Variants in ATL3 observed in about 807,000 individuals in gnomAD.
ATL3 encodes atlastin GTPase 3, also known as atlastin-3.
ATL3 carries 49 observed loss-of-function variants against 69.5 expected under a neutral mutation model. That is an observed-to-expected ratio of 0.71 (90% CI 0.56 to 0.89). The LOEUF (loss-of-function observed/expected upper bound fraction) is 0.89. ATL3 is among the 40% of genes least tolerant of loss of function. The pLI is 0.00. For synonymous variants in ATL3, 214 were observed against 224.1 expected (o/e 0.95, Z 0.40); for missense variants, 606 against 645.7 (o/e 0.94, Z 0.67).
At position 63,644,245 on chromosome 11, in the gene ATL3, A is replaced by T; in HGVS notation, c.635T>A (p.Val212Asp). ...QKPFQTLMFLVRDWSFPYEYS... is the reference protein window; with the variant it reads ...QKPFQTLMFLDRDWSFPYEYS... ...TTCATAAGGGAAACTCCAATCTCTA[A>T]CCAAAAACATCAGTGTCTATTTAAG... is the stretch of plus-strand genomic sequence containing the variant. Residue 212 changes from valine to aspartate, a missense_variant, in exon 7 of 13, where the codon GTT becomes GAT. Val to Asp is a radical substitution (Grantham distance 152). Transcript: ENST00000398868. 6.2e-7 allele frequency: 1 copy of T among 1,604,896 alleles called. No individual in the cohort carries two copies. The highest frequency in any genetic ancestry group is 8.5e-7 in the Non-Finnish European group (1 of 1,174,378).
chr11:63,661,987 G>A lies in ATL3; in HGVS notation c.47-2735C>T, dbSNP rs532592252. On this transcript the variant is annotated intron_variant, in intron 1 of 12. Coordinates refer to ENST00000398868, the MANE Select transcript of ATL3 (RefSeq NM_015459.5). ...CAGCACTTTGGGGGCCAAGGCAGGC[G>A]TGTCACCTGAGGTCAGGAGTTCGAG... Among the ~76,000 whole-genome samples the A allele has an allele frequency of 5.3e-5, 8 of 151,996 alleles. No homozygotes were observed. The East Asian group carries it at 7.7e-4, about 15-fold the overall frequency.
intron 11 of ATL3, among the ~76,000 whole-genome samples, chr11:63,631,839 G>T (rs757342965): frequency 6.6e-6 from 1 of 152,072 alleles, no homozygotes. Flanking sequence ...AAAATTAGCC[G>T]GGCGTGATGG....
At chr11:63,644,101 G>A in intron 7 of ATL3, 68 bp downstream of exon 7, 1 of 1,069,876 alleles carries the variant, frequency 9.3e-7, no homozygotes, top group Non-Finnish European at 1.4e-6. Context: ...AAACACAATA[G>A]CCAAAAGCAA....
rs1403749370 is a variant in ATL3 at position 63,658,881 on chromosome 11, C to T, written c.285G>A (p.Trp95Ter). Residue 95 changes from tryptophan to a stop codon, truncating the protein, a stop_gained, in exon 3 of 13, where the codon TGG becomes TGA. Transcript: ENST00000398868. LOFTEE classifies it high-confidence loss of function. ...YSQKESGHSNWLGDPEEPLTG... is the reference protein window; with the variant it reads ...YSQKESGHSN Reference sequence around the variant, plus strand: ...TTAACGGTTCTTCTGGGTCACCCAACCAATTTGAATGGCCACTTTCCTTCT... The same window carrying T: ...TTAACGGTTCTTCTGGGTCACCCAATCAATTTGAATGGCCACTTTCCTTCT... 6.2e-7 allele frequency: 1 copy of T among 1,605,090 alleles called. No individual in the cohort carries two copies. The highest frequency in any genetic ancestry group is 8.5e-7 in the Non-Finnish European group (1 of 1,177,430).
intron 8 of ATL3, among the ~76,000 whole-genome samples, chr11:63,641,636 C>T (rs907100833): frequency 6.6e-6 from 1 of 152,104 alleles, no homozygotes. Flanking sequence ...TCAGAGTCTC[C>T]GGGCGGAACC....
intron 1 of ATL3, among the ~76,000 whole-genome samples, chr11:63,670,181 T>TA (rs1258964155): frequency 6.6e-6 from 1 of 152,124 alleles, no homozygotes; most frequent in African/African-American, 2.4e-5. Context: ...TTACAGGTGT[T>TA]AGAGCGGCAA....
chr11:63,631,142 T>C lies in ATL3; in HGVS notation c.1437A>G (p.Leu479=). 1.2e-6 allele frequency: 2 copies of C among 1,614,180 alleles called. No individual in the cohort carries two copies. The highest frequency in any genetic ancestry group is 2.2e-5 in the East Asian group (1 of 44,896). ...CCCAGGTGAGGAGTGCTATTAACAG[T>C]AGTCCAACCATACAGTTGAACAACT... ...VAQLFNCMVG[L]LLIALLTWGY... The change falls in exon 12 of 13, where the codon CTA becomes CTG. Residue 479 remains leucine (L), a synonymous_variant. Coordinates refer to ENST00000398868, the MANE Select transcript of ATL3 (RefSeq NM_015459.5).
In ATL3 at chr11:63,658,818, G is replaced by A. The variant is rs367709522; in HGVS notation, c.348C>T (p.Thr116=). The change falls in exon 3 of 13, where the codon ACC becomes ACT. Residue 116 remains threonine (T), a synonymous_variant. Transcript: ENST00000398868. ...FSWRGGSDPE[T]TGIQIWSEVF... is the part of the protein sequence containing the mutation. ...CTTCACTCCAGATTTGAATCCCAGT[G>A]GTTTCTGGATCAGATCCCCCTCTCC... is the stretch of plus-strand genomic sequence containing the variant. 24 of 1,612,540 alleles carry A rather than the reference G, an allele frequency of 1.5e-5. No homozygotes were observed. Among genetic ancestry groups the A allele is most frequent in the Non-Finnish European group, 1.7e-5 (20 of 1,179,504 alleles).
rs1939126747 is a variant in ATL3 at position 63,626,792 on chromosome 11, T to A, written c.*2527A>T. On this transcript the variant is annotated 3_prime_UTR_variant, in exon 13 of 13. Transcript: ENST00000398868. The stretch of plus-strand genomic sequence containing the variant: ...AACCTGGTTATAAATCTCCCCAGGA[T>A]GATTTATAGCCAGTAATGATAATGC... The A allele has an allele frequency of 6.6e-6, 1 of 152,184 alleles. No individual in the cohort carries two copies. The highest frequency in any genetic ancestry group is 2.4e-5 in the African/African-American group (1 of 41,444). 9.4% of individuals were successfully genotyped at this position (152,184 alleles called of 1,614,324 possible). A position where few individuals can be genotyped will look rare whatever the true frequency, so the allele number is the denominator to read the frequency against.
chr11:63,665,628 C>G (rs989782215), intron 1 of ATL3, among the ~76,000 whole-genome samples: 4 of 152,088 alleles, frequency 2.6e-5, no homozygotes, highest in Non-Finnish European at 4.4e-5. Flanking sequence ...GAGGTCTCGC[C>G]TATAATCCTA....
In ATL3 at chr11:63,629,255, G is replaced by A. The variant is rs556293821; in HGVS notation, c.*64C>T. 59 of 1,353,176 alleles carry A rather than the reference G, an allele frequency of 4.4e-5. No homozygotes were observed. The highest frequency in any genetic ancestry group is 3.4e-4 in the African/African-American group (24 of 69,758). The allele number at this position is 1,353,176 out of a possible 1,614,324, so 83.8% of individuals were successfully genotyped here. On this transcript the variant is annotated 3_prime_UTR_variant, in exon 13 of 13. Coordinates refer to ENST00000398868, the MANE Select transcript of ATL3 (RefSeq NM_015459.5). Reference sequence around the variant, plus strand: ...TTCCTCTGGATATGAACCTGTGGCCGTGGCAGAAACCCAGAAATCAGTAGG... The same window carrying A: ...TTCCTCTGGATATGAACCTGTGGCCATGGCAGAAACCCAGAAATCAGTAGG...
chr11:63,643,347 T>C lies in ATL3; in HGVS notation c.850+10A>G. 1 of 1,596,224 alleles carries C rather than the reference T, an allele frequency of 6.3e-7. No individual in the cohort carries two copies. The highest frequency in any genetic ancestry group is 8.5e-7 in the Non-Finnish European group (1 of 1,172,930). ...CGAATCACAGGTTTAAAATAACACC[T>C]GGAACACACCTTTTAATTTCCCATC... is the stretch of plus-strand genomic sequence containing the variant. On this transcript the variant is annotated intron_variant, in intron 8 of 12. Transcript: ENST00000398868.
rs569054096 is a variant in ATL3 at position 63,671,148 on chromosome 11, C to A, written c.46+142G>T. The A allele has an allele frequency of 4.7e-4, 652 of 1,383,672 alleles. No individual in the cohort carries two copies. The African/African-American group carries it at 8.5e-3, about 18-fold the overall frequency. The allele number at this position is 1,383,672 out of a possible 1,614,324, so 85.7% of individuals were successfully genotyped here. Reference sequence around the variant, plus strand: ...GCCCCCCCACCACAAATTCGGAAACCGAGTGACCCCGGCGAGGGACGCGCG... The same window carrying A: ...GCCCCCCCACCACAAATTCGGAAACAGAGTGACCCCGGCGAGGGACGCGCG... On this transcript the variant is annotated intron_variant, in intron 1 of 12. Coordinates refer to ENST00000398868, the MANE Select transcript of ATL3 (RefSeq NM_015459.5).
chr11:63,631,428 T>A lies in ATL3; in HGVS notation c.1151A>T (p.Glu384Val). The A allele has an allele frequency of 6.2e-7, 1 of 1,613,400 alleles. No homozygotes were observed. The highest frequency in any genetic ancestry group is 8.5e-7 in the Non-Finnish European group (1 of 1,179,676). Residue 384 changes from glutamate to valine, a missense_variant, in exon 12 of 13, where the codon GAG becomes GTG. Transcript: ENST00000398868. ...TTGTTTGAATTCACAGTGCTTCTCCTCTAGAATGTCTGGAGACAAATAAGG... is the reference window on the plus strand; with the variant it reads ...TTGTTTGAATTCACAGTGCTTCTCCACTAGAATGTCTGGAGACAAATAAGG... ...EKPYLSPDIL[E>V]EKHCEFKQLA...
chr11:63,636,365 T>G (rs1245691231), intron 8 of ATL3, 31 bp from the exon 9 acceptor site: 1 of 1,613,416 alleles, frequency 6.2e-7, no homozygotes, highest in Admixed American at 1.7e-5. Context: ...AAGGGAAAAA[T>G]AAGCCAAACA....
intron 10 of ATL3, 26 bp from the exon 11 acceptor site, chr11:63,633,123 G>T (rs1348583895): frequency 3.8e-6 from 6 of 1,588,752 alleles, no homozygotes; most frequent in Non-Finnish European, 5.2e-6. Context: ...AACGTGAACT[G>T]TAAATCCTTC....
At position 63,625,720 on chromosome 11, in the gene ATL3, G is replaced by C. The variant is rs1939086294; in HGVS notation, c.*3599C>G. 1 of 152,426 alleles carries C rather than the reference G, an allele frequency of 6.6e-6. No individual in the cohort carries two copies. Among genetic ancestry groups the C allele is most frequent in the South Asian group, 2.1e-4 (1 of 4,826 alleles). The allele number at this position is 152,426 out of a possible 1,614,324, so 9.4% of individuals were successfully genotyped here. A position where few individuals can be genotyped will look rare whatever the true frequency, so the allele number is the denominator to read the frequency against. ...AGCAAAACAAGGCCAGGTTCCAGTGGCTCACGCCTGTAATCCCAGCACCCT... is the reference window on the plus strand; with the variant it reads ...AGCAAAACAAGGCCAGGTTCCAGTGCCTCACGCCTGTAATCCCAGCACCCT... On this transcript the variant is annotated 3_prime_UTR_variant, in exon 13 of 13. Coordinates refer to ENST00000398868, the MANE Select transcript of ATL3 (RefSeq NM_015459.5).
At chr11:63,669,575 A>C (rs1483073618) in intron 1 of ATL3, among the ~76,000 whole-genome samples, 1 of 152,118 alleles carries the variant, frequency 6.6e-6, no homozygotes, top group Non-Finnish European at 1.5e-5. Context: ...AAATTAAGCT[A>C]GTACACAACA....
At chr11:63,665,837 A>T (rs1258229769) in intron 1 of ATL3, among the ~76,000 whole-genome samples, 1 of 152,038 alleles carries the variant, frequency 6.6e-6, no homozygotes, top group East Asian at 1.9e-4. Context: ...ACTGCACTAC[A>T]ATCAGGACAA....
Sources: gnomAD v4.1 joint callset for allele counts (sites outside exome capture counted in the v4.1 genomes callset) on GRCh38, gnomAD v4.1.1 for gene constraint, MANE v1.5 for transcripts, NCBI Gene and HGNC (gene_info 2026-07-23, HGNC 2026-07-21) for gene names.